CAST: variants seen among roughly 807,000 people sequenced by gnomAD.
CAST encodes the protein MIR583 host.
CAST carries 76 observed loss-of-function variants against 119.6 expected under a neutral mutation model. The ratio of observed to expected loss-of-function variants is 0.64; its 90% CI spans 0.53 to 0.77. CAST has a LOEUF of 0.77. Among genes scored for constraint, CAST ranks in the 30% least tolerant of loss-of-function variants. The pLI, the probability that CAST is intolerant of heterozygous loss-of-function variation, is 0.00. For synonymous variants in CAST, 319 were observed against 331.6 expected (o/e 0.96, Z 0.41); for missense variants, 953 against 946.5 (o/e 1.01, Z -0.09).
At chr5:96,216,643 A>G in the CAST span, among the ~76,000 whole-genome samples, 1 of 152,186 alleles carries the variant, frequency 6.6e-6, no homozygotes, top group African/African-American at 2.4e-5. Context: ...TCTTTATATA[A>G]TACTTTTTAA....
rs749027472 is a variant in CAST, at chr5:96,770,574, A to G, written c.2312A>G (p.Asn771Ser). ...KAASSSKAPK[N>S]GGKAKDSAKT... is the part of the protein sequence containing the mutation. ...GCTTCCAGCTCCAAAGCACCTAAGAATGGAGGTAAAGCGAAGGATTCAGCA... is the reference window on the plus strand; with the variant it reads ...GCTTCCAGCTCCAAAGCACCTAAGAGTGGAGGTAAAGCGAAGGATTCAGCA... Residue 771 changes from asparagine to serine, a missense_variant, in exon 30 of 32, where the codon AAT becomes AGT. By Grantham distance (46) the Asn-to-Ser change is conservative. Coordinates refer to ENST00000675179, the MANE Select transcript of CAST (RefSeq NM_001750.7). 4.3e-6 allele frequency: 7 copies of G among 1,612,848 alleles called. No individual in the cohort carries two copies. Among genetic ancestry groups the G allele is most frequent in the Middle Eastern group, 3.3e-4 (2 of 6,076 alleles).
At chr5:96,543,220 G>A (rs548590830) in intron 1 of CAST, among the ~76,000 whole-genome samples, 3 of 152,196 alleles carry the variant, frequency 2.0e-5, no homozygotes, top group East Asian at 1.9e-4. Context: ...GAATGAGTTC[G>A]TGTCCTTTGC....
the CAST span, among the ~76,000 whole-genome samples, chr5:96,070,147 A>G: frequency 6.6e-6 from 1 of 152,184 alleles, no homozygotes; most frequent in Admixed American, 6.5e-5. Context: ...TTATGAGGGT[A>G]ATATACTTCA....
chr5:96,504,999 G>A, the CAST span, among the ~76,000 whole-genome samples: 17 of 152,140 alleles, frequency 1.1e-4, no homozygotes, highest in Admixed American at 2.6e-4. Context: ...TTGTTTATGC[G>A]TTCACCAGTT....
chr5:96,019,144 C>T, the CAST span, among the ~76,000 whole-genome samples: 1 of 152,054 alleles, frequency 6.6e-6, no homozygotes, highest in Non-Finnish European at 1.5e-5. Flanking sequence ...ATAATGTAAA[C>T]GTGGAAATGG....
chr5:96,529,453 T>C (rs981571307), upstream of CAST, among the ~76,000 whole-genome samples: 1 of 152,112 alleles, frequency 6.6e-6, no homozygotes, highest in East Asian at 1.9e-4. Flanking sequence ...TACATTTTAA[T>C]TGAGCCGTGT....
chr5:96,695,954 G>A (rs1284114645), intron 3 of CAST, 47 bp downstream of exon 3: 1 of 1,353,380 alleles, frequency 7.4e-7, no homozygotes, highest in Admixed American at 1.9e-5. Flanking sequence ...TATTCTACAG[G>A]GATATGATTA....
rs1277857826 is a variant in CAST, at chr5:96,675,559, T to G, written c.96T>G (p.Ser32Arg). The change falls in exon 2 of 32, where the codon AGT becomes AGG. Residue 32 changes from serine to arginine, a missense_variant. Physicochemically the swap from Ser to Arg is moderately radical, Grantham distance 110. Coordinates refer to ENST00000675179, the MANE Select transcript of CAST (RefSeq NM_001750.7). ...RTHEHVSEKT[S>R]ESPSKPGEKK... is the part of the protein sequence containing the mutation. ...TATAGCATGTCAGTGAAAAAACCAG[T>G]GAATCGCCTTCCAAACCAGGAGAAA... 6.2e-7 allele frequency: 1 copy of G among 1,613,280 alleles called. No individual in the cohort carries two copies.
chr5:96,534,925 TAAAG>T (rs959646708), intron 1 of CAST, among the ~76,000 whole-genome samples: 24 of 91,582 alleles, frequency 2.6e-4, no homozygotes, highest in African/African-American at 4.1e-4. Flanking sequence ...AGAAAAGGAA[TAAAG>T]AAAGAAAGAA....
chr5:96,288,610 T>C, the CAST span, among the ~76,000 whole-genome samples: 1 of 152,158 alleles, frequency 6.6e-6, no homozygotes, highest in East Asian at 1.9e-4. Flanking sequence ...CTTAAAAACA[T>C]TTTTATATGG....
At chr5:96,042,052 T>C in the CAST span, among the ~76,000 whole-genome samples, 2 of 152,086 alleles carry the variant, frequency 1.3e-5, no homozygotes, top group African/African-American at 4.8e-5. Flanking sequence ...TGAACTTGAG[T>C]ATACAAGAGG....
chr5:95,997,965 T>TTA, the CAST span, among the ~76,000 whole-genome samples: 1 of 132,824 alleles, frequency 7.5e-6, no homozygotes. Flanking sequence ...GAGAGAGGGT[T>TTA]TTTTTTTTTT....
At chr5:96,015,309 CTG>C in the CAST span, among the ~76,000 whole-genome samples, 16 of 152,036 alleles carry the variant, frequency 1.1e-4, no homozygotes, top group South Asian at 3.3e-3. Flanking sequence ...TGCTATTTGA[CTG>C]TACTTTCAGG....
At chr5:96,703,059 A>C in intron 3 of CAST, 4 of 465,880 alleles carry the variant, frequency 8.6e-6, no homozygotes, top group Non-Finnish European at 1.1e-5. Flanking sequence ...TTTTCCTACT[A>C]TCGCGACCCT....
the CAST span, among the ~76,000 whole-genome samples, chr5:96,512,250 A>G: frequency 7.2e-5 from 11 of 152,364 alleles, no homozygotes; most frequent in Admixed American, 4.6e-4. Context: ...ACTGTTACCA[A>G]TGCATGCCTA....
the CAST span, among the ~76,000 whole-genome samples, chr5:96,259,599 T>C: frequency 3.3e-5 from 5 of 152,182 alleles, no homozygotes; most frequent in South Asian, 2.1e-4. Context: ...ATACCTCCGA[T>C]CACAGTGAGC....
chr5:96,474,609 G>T, the CAST span, among the ~76,000 whole-genome samples: 1 of 152,178 alleles, frequency 6.6e-6, no homozygotes, highest in Non-Finnish European at 1.5e-5. Flanking sequence ...ACAATGGGCA[G>T]GTTTATTCTG....
chr5:96,614,932 C>G (rs1006107421), intron 1 of CAST, among the ~76,000 whole-genome samples: 1 of 152,174 alleles, frequency 6.6e-6, no homozygotes, highest in Non-Finnish European at 1.5e-5. Flanking sequence ...CTCAGCGCTG[C>G]CTTGAGTGAG....
the CAST span, among the ~76,000 whole-genome samples, chr5:96,139,973 T>C: frequency 1.3e-5 from 2 of 152,224 alleles, no homozygotes; most frequent in African/African-American, 2.4e-5. Flanking sequence ...AAAGGGTTAC[T>C]AGTACACAAA....
Sources: allele counts gnomAD v4.1 joint callset (sites outside exome capture counted in the v4.1 genomes callset), GRCh38; gene constraint gnomAD v4.1.1; transcripts MANE v1.5; gene names NCBI Gene and HGNC (gene_info 2026-07-23, HGNC 2026-07-21).